LSAMP: variants seen among roughly 807,000 people sequenced by gnomAD.
LSAMP encodes limbic system-associated membrane protein.
In LSAMP, 7 loss-of-function variants were observed where a neutral mutation model predicts 38.6. That is an observed-to-expected ratio of 0.18 (90% CI 0.10 to 0.34). The LOEUF (loss-of-function observed/expected upper bound fraction) is 0.34, where lower values mean the gene tolerates loss of function less well. Among genes scored for constraint, LSAMP ranks in the 10% least tolerant of loss-of-function variants. The pLI is 1.00. For missense variants in LSAMP, 313 were observed against 420.0 expected, an observed-to-expected ratio of 0.75 and a Z score of 2.23; for synonymous variants, 154 against 166.8, an observed-to-expected ratio of 0.92 and a Z score of 0.59.
At chr3:116,377,559 G>A (rs2048509731) in intron 1 of LSAMP, among the ~76,000 whole-genome samples, 1 of 151,920 alleles carries the variant, frequency 6.6e-6, no homozygotes, top group South Asian at 2.1e-4. Context: ...ATGTGTCTCT[G>A]TAATAGAACG....
intron 3 of LSAMP, among the ~76,000 whole-genome samples, chr3:116,018,812 G>A (rs1432542820): frequency 6.6e-6 from 1 of 152,118 alleles, no homozygotes; most frequent in Admixed American, 6.6e-5. Flanking sequence ...AAAGGATGTT[G>A]AAGACATTCC....
chr3:116,023,360 C>T lies in LSAMP; in HGVS notation c.389-3720G>A, dbSNP rs368892341. Among the ~76,000 whole-genome samples the T allele has an allele frequency of 2.6e-5, 4 of 151,358 alleles. 1 individual carries two copies. The highest frequency in any genetic ancestry group is 9.7e-5 in the African/African-American group (4 of 41,196). On this transcript the variant is annotated intron_variant, in intron 2 of 6. Transcript: ENST00000490035. The stretch of plus-strand genomic sequence containing the variant: ...CTGTAATCCCAGCACTTTGGGAGGC[C>T]GAGGCAGGTGGATCACAAGGTCAGG...
chr3:115,969,349 A>C (rs1287432498), intron 3 of LSAMP, among the ~76,000 whole-genome samples: 1 of 152,206 alleles, frequency 6.6e-6, no homozygotes, highest in Non-Finnish European at 1.5e-5. Context: ...TAGGCAGGGC[A>C]GAGTAGCATT....
At chr3:116,264,641 G>T (rs138923055) in intron 1 of LSAMP, among the ~76,000 whole-genome samples, 1 of 152,002 alleles carries the variant, frequency 6.6e-6, no homozygotes, top group Non-Finnish European at 1.5e-5. Flanking sequence ...TTGCTCTGTC[G>T]CCCAGGCTAG....
chr3:116,179,714 A>G (rs1710439279), intron 1 of LSAMP, among the ~76,000 whole-genome samples: 1 of 152,042 alleles, frequency 6.6e-6, no homozygotes, highest in Non-Finnish European at 1.5e-5. Context: ...CAAGGGGAAA[A>G]TCTGGCCCCA....
intron 1 of LSAMP, among the ~76,000 whole-genome samples, chr3:116,095,142 T>C (rs1035379625): frequency 6.6e-6 from 1 of 152,218 alleles, no homozygotes; most frequent in African/African-American, 2.4e-5. Flanking sequence ...AGATCAATCA[T>C]GTATTTCTCT....
chr3:116,124,829 G>C (rs745801733), intron 1 of LSAMP, among the ~76,000 whole-genome samples: 3 of 152,068 alleles, frequency 2.0e-5, no homozygotes, highest in Non-Finnish European at 4.4e-5. Flanking sequence ...ATACATGGAG[G>C]TTTTATAAGA....
At position 116,400,420 on chromosome 3, in the gene LSAMP, TTCCC is replaced by T. The variant is rs10662942; in HGVS notation, c.155+44453_155+44456del. The stretch of plus-strand genomic sequence containing the variant: ...TCTCTCTCTCTCCTTCTTTCCCTCC[TTCCC>T]TCCCTCCCTCCCTCCTTCCTTCCTT... On this transcript the variant is annotated intron_variant, in intron 1 of 6. Transcript: ENST00000490035. Among the ~76,000 whole-genome samples, 66 of 141,332 alleles carry T rather than the reference TTCCC, an allele frequency of 4.7e-4. No homozygotes were observed. In the East Asian group the frequency reaches 5.7e-3, roughly 12 times the overall value. 92.7% of individuals were successfully genotyped at this position (141,332 alleles called of 152,430 possible). A position where few individuals can be genotyped will look rare whatever the true frequency, so the allele number is the denominator to read the frequency against.
At position 116,268,443 on chromosome 3, in the gene LSAMP, C is replaced by G. The variant is rs1360152773; in HGVS notation, c.155+176434G>C. Among the ~76,000 whole-genome samples, 38 of 152,066 alleles carry G rather than the reference C, an allele frequency of 2.5e-4. 1 individual carries two copies. Among genetic ancestry groups the G allele is most frequent in the Admixed American group, 1.0e-3 (16 of 15,250 alleles). On this transcript the variant is annotated intron_variant, in intron 1 of 6. Transcript: ENST00000490035. ...CATCTTCTTTCTTTCTCAGCTGTAT[C>G]TGAGGCATGGACGGGGGATGGGGGA...
At chr3:116,116,384 T>C (rs1300927981) in intron 1 of LSAMP, among the ~76,000 whole-genome samples, 4 of 151,842 alleles carry the variant, frequency 2.6e-5, no homozygotes, top group African/African-American at 9.7e-5. Context: ...GAACTCTTCA[T>C]ATGCAATTCA....
chr3:116,269,583 T>A (rs980384632), intron 1 of LSAMP, among the ~76,000 whole-genome samples: 4 of 151,286 alleles, frequency 2.6e-5, no homozygotes, highest in Non-Finnish European at 4.4e-5. Flanking sequence ...CAAGCTAACA[T>A]TGGGCTTATT....
chr3:115,851,043 G>A (rs1325405367), intron 4 of LSAMP, among the ~76,000 whole-genome samples: 5 of 151,974 alleles, frequency 3.3e-5, no homozygotes, highest in East Asian at 1.9e-4. Context: ...GCGCGATCTC[G>A]GCTCACTGCA....
chr3:116,076,406 C>T (rs573677810), intron 2 of LSAMP, among the ~76,000 whole-genome samples: 103 of 152,112 alleles, frequency 6.8e-4, no homozygotes, highest in Non-Finnish European at 6.8e-4. Flanking sequence ...TATAGGAGCC[C>T]GCCACCACGC....
chr3:116,225,209 G>A (rs1289134237), intron 1 of LSAMP, among the ~76,000 whole-genome samples: 4 of 152,182 alleles, frequency 2.6e-5, no homozygotes, highest in Admixed American at 6.5e-5. Flanking sequence ...AGAATCTTGA[G>A]ACGAGATCAT....
At chr3:116,297,315 T>C (rs191085445) in intron 1 of LSAMP, among the ~76,000 whole-genome samples, 3 of 152,272 alleles carry the variant, frequency 2.0e-5, no homozygotes, top group East Asian at 3.9e-4. Flanking sequence ...TTTTCCAGGA[T>C]TGGATATTAT....
In LSAMP at chr3:116,130,646, C is replaced by T. The variant is rs185208369; in HGVS notation, c.156-44090G>A. 1.2e-3 allele frequency among the ~76,000 whole-genome samples: 176 copies of T among 152,154 alleles called. 1 individual carries two copies. The highest frequency in any genetic ancestry group is 1.0e-4 in the Non-Finnish European group (7 of 67,990). Reference sequence around the variant, plus strand: ...TAATGGGAATCCAAAATAATCTATTCTTATTCTTACTTTTTAATTCTCACT... The same window carrying T: ...TAATGGGAATCCAAAATAATCTATTTTTATTCTTACTTTTTAATTCTCACT... On this transcript the variant is annotated intron_variant, in intron 1 of 6. Transcript: ENST00000490035.
chr3:115,843,499 C>A (rs1179159576), intron 4 of LSAMP, among the ~76,000 whole-genome samples: 1 of 152,210 alleles, frequency 6.6e-6, no homozygotes, highest in Non-Finnish European at 1.5e-5. Flanking sequence ...AAGGCCTTTC[C>A]TGTCCAAAGG....
chr3:116,390,112 A>G (rs757477021), intron 1 of LSAMP, among the ~76,000 whole-genome samples: 36 of 146,356 alleles, frequency 2.5e-4, no homozygotes, highest in South Asian at 1.8e-3. Flanking sequence ...CTATACTTAA[A>G]TTATATATGT....
chr3:115,899,454 G>T (rs1425648996), intron 3 of LSAMP, among the ~76,000 whole-genome samples: 1 of 152,056 alleles, frequency 6.6e-6, no homozygotes, highest in Non-Finnish European at 1.5e-5. Context: ...ACTTTCCTTG[G>T]TGAATAAGAG....
Sources: allele counts gnomAD v4.1 joint callset (sites outside exome capture counted in the v4.1 genomes callset), GRCh38; gene constraint gnomAD v4.1.1; transcripts MANE v1.5; gene names NCBI Gene and HGNC (gene_info 2026-07-23, HGNC 2026-07-21).